FAM53A: variants seen among roughly 807,000 people sequenced by gnomAD.
The protein encoded by FAM53A is family with sequence similarity 53 member A.
A neutral mutation model predicts 26.6 loss-of-function variants in FAM53A; 28 were observed. The observed-to-expected ratio is 1.05, with a 90% confidence interval of 0.78 to 1.45. The LOEUF (loss-of-function observed/expected upper bound fraction) is 1.45, where lower values mean the gene tolerates loss of function less well. Ranked by LOEUF, FAM53A falls within the 40% of genes most tolerant of loss-of-function variation. The pLI is 0.00. For missense variants in FAM53A, 650 were observed against 575.8 expected, an observed-to-expected ratio of 1.13 and a Z score of -1.32; for synonymous variants, 290 against 253.1, an observed-to-expected ratio of 1.15 and a Z score of -1.38.
intron 4 of FAM53A, among the ~76,000 whole-genome samples, chr4:1,646,653 A>G (rs1024685873): frequency 5.9e-5 from 9 of 152,136 alleles, no homozygotes; most frequent in Non-Finnish European, 1.0e-4. Context: ...CACTAAACCC[A>G]AGACCTCCAA....
chr4:1,592,035 C>G, the FAM53A span, among the ~76,000 whole-genome samples: 1 of 152,136 alleles, frequency 6.6e-6, no homozygotes, highest in African/African-American at 2.4e-5. Context: ...CAGCACCATA[C>G]GGCTGGATGA....
intron 1 of FAM53A, among the ~76,000 whole-genome samples, chr4:1,621,824 C>T (rs771095289): frequency 4.6e-5 from 7 of 152,212 alleles, no homozygotes; most frequent in Admixed American, 1.3e-4. Context: ...AATATCCCTG[C>T]GGCCATGGGG....
chr4:1,684,063 G>A (rs1715641849), intron 1 of FAM53A, 170 bp downstream of exon 1: 1 of 152,162 alleles, frequency 6.6e-6, no homozygotes, highest in Non-Finnish European at 1.5e-5. Flanking sequence ...GCAGACGGCG[G>A]AGGCAGGGGG....
At chr4:1,666,647 C>T (rs1012203284) in intron 2 of FAM53A, among the ~76,000 whole-genome samples, 4 of 152,246 alleles carry the variant, frequency 2.6e-5, no homozygotes, top group Admixed American at 6.5e-5. Flanking sequence ...AGGCATGTGC[C>T]GCTCTGTATC....
chr4:1,649,042 G>C (rs1712494931), intron 4 of FAM53A, among the ~76,000 whole-genome samples: 1 of 152,110 alleles, frequency 6.6e-6, no homozygotes, highest in Non-Finnish European at 1.5e-5. Flanking sequence ...GAATCTGGGA[G>C]GCAGAGGTTG....
the FAM53A span, among the ~76,000 whole-genome samples, chr4:1,604,674 C>T: frequency 2.6e-5 from 4 of 152,272 alleles, no homozygotes; most frequent in Admixed American, 6.5e-5. Context: ...CTTCCTCCGA[C>T]GGACACGGCC....
At chr4:1,608,069 G>GC in the FAM53A span, among the ~76,000 whole-genome samples, 2 of 152,264 alleles carry the variant, frequency 1.3e-5, no homozygotes, top group Admixed American at 1.3e-4. Flanking sequence ...CCGAGATTGG[G>GC]CCACTGCATT....
chr4:1,645,537 C>T (rs1009608192), intron 4 of FAM53A, among the ~76,000 whole-genome samples: 15 of 152,230 alleles, frequency 9.9e-5, no homozygotes, highest in African/African-American at 3.4e-4. Context: ...AACAAAGATC[C>T]TCCCTGTCTC....
At chr4:1,663,201 A>G (rs1713983916) in intron 2 of FAM53A, among the ~76,000 whole-genome samples, 1 of 152,222 alleles carries the variant, frequency 6.6e-6, no homozygotes, top group Non-Finnish European at 1.5e-5. Context: ...CAAGAAAAAA[A>G]GAGTTGGAGA....
chr4:1,629,822 C>A (rs1372163191), intron 1 of FAM53A, among the ~76,000 whole-genome samples: 7 of 152,134 alleles, frequency 4.6e-5, no homozygotes, highest in Non-Finnish European at 8.8e-5. Context: ...GCTGGGCCCA[C>A]CCCGGCCCAC....
At chr4:1,614,397 CATGCAGAGACGTGAGGGGG>C (rs1560099368), downstream of FAM53A, among the ~76,000 whole-genome samples, 46 of 97,020 alleles carry the variant, frequency 4.7e-4, no homozygotes, top group Non-Finnish European at 7.0e-4. Context: ...ACGTGAGGGG[CATGCAGAGACGTGAGGGGG>C]ATGCAGAGAC....
chr4:1,657,268 C>G, intron 3 of FAM53A, 140 bp downstream of exon 3: 1 of 739,786 alleles, frequency 1.4e-6, no homozygotes, highest in South Asian at 1.7e-5. Context: ...GGGACCACCC[C>G]ACGCCCCAGT....
the FAM53A span, among the ~76,000 whole-genome samples, chr4:1,593,369 G>A: frequency 1.3e-5 from 2 of 152,094 alleles, no homozygotes; most frequent in African/African-American, 2.4e-5. Context: ...GGGCCCCTCC[G>A]AGTAGGGTGA....
In FAM53A at chr4:1,684,250, GGT is replaced by G. The variant is rs942442604; in HGVS notation, c.-184_-183del. Reference sequence around the variant, plus strand: ...CTCGGTACCTGAGCGCGGCCGCGGGGGTGCGGAGCGAGAAGACTGCCGGCCGC... The same window carrying G: ...CTCGGTACCTGAGCGCGGCCGCGGGGGCGGAGCGAGAAGACTGCCGGCCGC... On this transcript the variant is annotated 5_prime_UTR_variant, in exon 1 of 5. Coordinates refer to ENST00000308132, the MANE Select transcript of FAM53A (RefSeq NM_001174070.3). 2.1e-4 allele frequency: 32 copies of G among 151,232 alleles called. No individual in the cohort carries two copies. The highest frequency in any genetic ancestry group is 7.5e-4 in the African/African-American group (31 of 41,278). 9.4% of individuals were successfully genotyped at this position (151,232 alleles called of 1,614,324 possible).
intron 3 of FAM53A, among the ~76,000 whole-genome samples, chr4:1,656,574 C>T (rs1361452093): frequency 3.3e-5 from 5 of 151,988 alleles, no homozygotes; most frequent in African/African-American, 4.8e-5. Flanking sequence ...GGAAGCGCTG[C>T]GGGGCTCTGA....
At chr4:1,620,206 C>T (rs922533685) in intron 1 of FAM53A, among the ~76,000 whole-genome samples, 2 of 122,810 alleles carry the variant, frequency 1.6e-5, no homozygotes, top group African/African-American at 2.8e-5. Context: ...GACTCTGTCT[C>T]AAAAAAAAAA....
At chr4:1,653,705 A>G (rs1322217813) in intron 4 of FAM53A, among the ~76,000 whole-genome samples, 1 of 152,074 alleles carries the variant, frequency 6.6e-6, no homozygotes, top group Non-Finnish European at 1.5e-5. Context: ...TTTTCAACTC[A>G]CCTCAAGCCC....
At chr4:1,631,124 T>C (rs1049019844) in intron 1 of FAM53A, among the ~76,000 whole-genome samples, 4 of 152,186 alleles carry the variant, frequency 2.6e-5, no homozygotes, top group African/African-American at 7.2e-5. Flanking sequence ...TATAACACTT[T>C]AGAGGAGAAA....
In FAM53A at chr4:1,621,777, C is replaced by A. The variant is rs569108940; in HGVS notation, c.432-3666G>T. 7.2e-5 allele frequency among the ~76,000 whole-genome samples: 11 copies of A among 152,362 alleles called. 1 individual carries two copies. In the South Asian group the frequency reaches 2.3e-3, roughly 32 times the overall value. ...AGCAGGTCACACAGAGCAGGCTGAA[C>A]GTCTGGCCCGTGCCGTCCCTGGCAC... On this transcript the variant is annotated intron_variant, in intron 1 of 1. Coordinates refer to the FAM53A transcript ENST00000489029.
Sources: allele counts gnomAD v4.1 joint callset (sites outside exome capture counted in the v4.1 genomes callset), GRCh38; gene constraint gnomAD v4.1.1; transcripts MANE v1.5; gene names NCBI Gene and HGNC (gene_info 2026-07-23, HGNC 2026-07-21).